GPHN: variants seen among roughly 807,000 people sequenced by gnomAD.
The protein encoded by GPHN is gephyrin.
A neutral mutation model predicts 95.5 loss-of-function variants in GPHN; 17 were observed. The observed-to-expected ratio is 0.18, with a 90% CI of 0.12 to 0.27. The LOEUF is 0.27. GPHN is among the 10% of genes least tolerant of loss of function. The pLI is 1.00. For synonymous variants in GPHN, 320 were observed against 322.5 expected (o/e 0.99, Z 0.08); for missense variants, 660 against 978.1 (o/e 0.67, Z 4.34).
At chr14:66,651,662 A>G (rs1013019128) in intron 1 of GPHN, among the ~76,000 whole-genome samples, 23 of 152,172 alleles carry the variant, frequency 1.5e-4, no homozygotes, top group African/African-American at 5.1e-4. Context: ...GTTCTAGACT[A>G]AAGTCAAGGC....
Position 67,119,682 on chromosome 14 carries a change from C to T in GPHN, c.1627-2574C>T, listed in dbSNP as rs531956384. Among the ~76,000 whole-genome samples the T allele has an allele frequency of 3.9e-5, 6 of 152,160 alleles. No individual in the cohort carries two copies. In the South Asian group the frequency reaches 8.3e-4, roughly 21 times the overall value. On this transcript the variant is annotated intron_variant, in intron 16 of 22. Transcript: ENST00000478722. ...GCGCATGCCTGTAATCCCAGCTACT[C>T]GGGAGGCTGAGGCAGGAGACTCGCT...
At chr14:66,541,057 C>T (rs867211913) in intron 1 of GPHN, among the ~76,000 whole-genome samples, 1 of 152,148 alleles carries the variant, frequency 6.6e-6, no homozygotes, top group Non-Finnish European at 1.5e-5. Context: ...AAGTGATTCT[C>T]GTGCCTCAGC....
intron 1 of GPHN, among the ~76,000 whole-genome samples, chr14:66,656,366 C>T (rs537025431): frequency 6.6e-6 from 1 of 152,156 alleles, no homozygotes; most frequent in Non-Finnish European, 1.5e-5. Flanking sequence ...CTTAGGTTAA[C>T]AAACTGATGT....
intron 1 of GPHN, among the ~76,000 whole-genome samples, chr14:66,587,049 A>T (rs967286582): frequency 6.6e-6 from 1 of 152,172 alleles, no homozygotes; most frequent in Admixed American, 6.5e-5. Context: ...AAAATGAAAG[A>T]GTAGGCAATA....
At chr14:67,169,493 T>G (rs2082475550) in intron 21 of GPHN, among the ~76,000 whole-genome samples, 2 of 152,208 alleles carry the variant, frequency 1.3e-5, no homozygotes, top group Non-Finnish European at 2.9e-5. Context: ...GAGACCCTGG[T>G]GATTCAGGGA....
At chr14:67,716,011 T>G in the GPHN span, among the ~76,000 whole-genome samples, 1 of 151,872 alleles carries the variant, frequency 6.6e-6, no homozygotes, top group African/African-American at 2.4e-5. Flanking sequence ...CTGGCTAACA[T>G]GGTGAAACCC....
At chr14:66,841,004 GATATAGATATAGATATAGATATAGATA>G (rs2062058431) in intron 4 of GPHN, among the ~76,000 whole-genome samples, 1 of 143,362 alleles carries the variant, frequency 7.0e-6, no homozygotes, top group African/African-American at 2.7e-5. Context: ...TATAGATATA[GATATAGATATAGATATAGATATAGATA>G]TAGGTATAGA....
chr14:67,005,585 G>C (rs1369521711), intron 9 of GPHN, among the ~76,000 whole-genome samples: 1 of 150,734 alleles, frequency 6.6e-6, no homozygotes, highest in African/African-American at 2.5e-5. Flanking sequence ...TTATCATACT[G>C]ACTTGCTTCT....
At chr14:67,205,333 G>T in the GPHN span, among the ~76,000 whole-genome samples, 1 of 152,128 alleles carries the variant, frequency 6.6e-6, no homozygotes, top group African/African-American at 2.4e-5. Context: ...GAAATGGAAA[G>T]AATTTTGGAA....
chr14:67,128,658 C>T (rs1356759128), intron 17 of GPHN, among the ~76,000 whole-genome samples: 1 of 152,020 alleles, frequency 6.6e-6, no homozygotes, highest in Non-Finnish European at 1.5e-5. Flanking sequence ...TGGTAAGGGC[C>T]AGCCACTGTG....
At chr14:67,408,821 T>G in the GPHN span, among the ~76,000 whole-genome samples, 4 of 152,178 alleles carry the variant, frequency 2.6e-5, no homozygotes, top group African/African-American at 9.6e-5. Flanking sequence ...ATTTTATCAC[T>G]TTACTCTTCG....
rs1456076132 is a variant in GPHN, at chr14:66,537,978, C to T, written c.64+29387C>T. ...AAGTAGCTGGGAGTACAGGTGGCACCACTGTGCTCAGCTAAATTTTTTGTT... is the reference window on the plus strand; with the variant it reads ...AAGTAGCTGGGAGTACAGGTGGCACTACTGTGCTCAGCTAAATTTTTTGTT... On this transcript the variant is annotated intron_variant, in intron 1 of 22. Transcript: ENST00000478722. Among the ~76,000 whole-genome samples the T allele has an allele frequency of 2.6e-5, 4 of 152,194 alleles. No individual in the cohort carries two copies. The East Asian group carries it at 7.7e-4, about 29-fold the overall frequency.
At chr14:67,271,767 A>G in the GPHN span, 3 of 152,324 alleles carry the variant, frequency 2.0e-5, no homozygotes, top group South Asian at 6.2e-4. Context: ...CTTGTGGGAA[A>G]TTCTGATAGA....
At chr14:67,445,581 T>TTTTTTTTTTTTTTTTTTTTTTTTTTC in the GPHN span, among the ~76,000 whole-genome samples, 1 of 117,402 alleles carries the variant, frequency 8.5e-6, no homozygotes, top group Admixed American at 8.7e-5. Context: ...GCAATTCTTT[T>TTTTTTTTTTTTTTTTTTTTTTTTTTC]TTTTTTTTTT....
the GPHN span, among the ~76,000 whole-genome samples, chr14:67,237,386 A>C: frequency 6.6e-6 from 1 of 152,188 alleles, no homozygotes. Flanking sequence ...TTAAGGCTAC[A>C]TAATTTGATA....
intron 3 of GPHN, among the ~76,000 whole-genome samples, chr14:66,784,217 A>G (rs962359254): frequency 1.3e-5 from 2 of 152,214 alleles, no homozygotes; most frequent in African/African-American, 4.8e-5. Flanking sequence ...GAGAAATACC[A>G]TCACCAATAT....
chr14:67,148,871 G>A (rs907675078), intron 18 of GPHN, among the ~76,000 whole-genome samples: 3 of 151,472 alleles, frequency 2.0e-5, no homozygotes, highest in Non-Finnish European at 4.4e-5. Flanking sequence ...CGGCCAGTTT[G>A]CCTTTTTTAT....
intron 8 of GPHN, among the ~76,000 whole-genome samples, chr14:66,935,576 C>T (rs972556052): frequency 3.3e-5 from 5 of 151,168 alleles, no homozygotes; most frequent in Non-Finnish European, 7.4e-5. Context: ...TATACACCAC[C>T]GCATGGTGGC....
At chr14:67,352,918 T>G in the GPHN span, 1 of 1,582,600 alleles carries the variant, frequency 6.3e-7, no homozygotes, top group African/African-American at 1.4e-5. Context: ...AAAAGTTCAT[T>G]CTACCTCTAT....
Sources: allele counts gnomAD v4.1 joint callset (sites outside exome capture counted in the v4.1 genomes callset), GRCh38; gene constraint gnomAD v4.1.1; transcripts MANE v1.5; gene names NCBI Gene and HGNC (gene_info 2026-07-23, HGNC 2026-07-21).